Variants in KAT2B observed in about 807,000 individuals in gnomAD.
The protein encoded by KAT2B is lysine acetyltransferase 2B.
In KAT2B, 36 loss-of-function variants were observed where a neutral mutation model predicts 105.9. That is an observed-to-expected ratio of 0.34 (90% CI 0.26 to 0.45). The LOEUF (loss-of-function observed/expected upper bound fraction) is 0.45, where lower values mean the gene tolerates loss of function less well. Among genes scored for constraint, KAT2B ranks in the 20% least tolerant of loss-of-function variants. KAT2B has a pLI of 1.00. For synonymous variants in KAT2B, 397 were observed against 377.9 expected (o/e 1.05, Z -0.59); for missense variants, 820 against 1,021.6 (o/e 0.80, Z 2.69).
intron 1 of KAT2B, among the ~76,000 whole-genome samples, chr3:20,067,323 T>TA (rs1308892142): frequency 6.6e-6 from 1 of 152,078 alleles, no homozygotes; most frequent in Non-Finnish European, 1.5e-5. Flanking sequence ...ATTCAAGATG[T>TA]AACTTTTTTT....
At chr3:20,126,436 A>G (rs989103250) in intron 10 of KAT2B, among the ~76,000 whole-genome samples, 1 of 152,084 alleles carries the variant, frequency 6.6e-6, no homozygotes, top group Non-Finnish European at 1.5e-5. Flanking sequence ...TGGTTTTGGT[A>G]TCTTAACTAG....
chr3:20,051,701 TTACTC>T (rs1404679386), intron 1 of KAT2B, among the ~76,000 whole-genome samples: 9 of 152,208 alleles, frequency 5.9e-5, no homozygotes, highest in Non-Finnish European at 2.9e-5. Flanking sequence ...GAAGCAAAGA[TTACTC>T]TACAGCTCCA....
At chr3:20,075,877 A>C (rs1319568482) in intron 2 of KAT2B, among the ~76,000 whole-genome samples, 2 of 150,262 alleles carry the variant, frequency 1.3e-5, no homozygotes, top group Non-Finnish European at 2.9e-5. Context: ...TCACCACTGC[A>C]GCCTGGGCGA....
At chr3:20,075,127 G>A (rs979020885) in intron 2 of KAT2B, among the ~76,000 whole-genome samples, 1 of 152,048 alleles carries the variant, frequency 6.6e-6, no homozygotes, top group African/African-American at 2.4e-5. Flanking sequence ...AGCTGGGCAT[G>A]GTGGCAAGCA....
intron 6 of KAT2B, among the ~76,000 whole-genome samples, chr3:20,112,325 A>G (rs140365734): frequency 6.6e-6 from 1 of 152,178 alleles, no homozygotes; most frequent in Non-Finnish European, 1.5e-5. Context: ...ATGAACCTCT[A>G]TACTAAATTT....
intron 1 of KAT2B, among the ~76,000 whole-genome samples, chr3:20,068,638 A>G (rs1003715849): frequency 1.3e-5 from 2 of 151,974 alleles, no homozygotes; most frequent in Non-Finnish European, 2.9e-5. Context: ...CCCTAATGTA[A>G]TCTCCAGGAG....
rs114768196 is a variant in KAT2B at position 20,051,246 on chromosome 3, A to G, written c.303+10466A>G. Among the ~76,000 whole-genome samples, 1,298 of 150,964 alleles carry G rather than the reference A, an allele frequency of 8.6e-3. 25 individuals carry two copies. The highest frequency in any genetic ancestry group is 0.03 in the African/African-American group (1,239 of 41,236). ...CAAAAAAAACAAATCAAGGAGGGGT[A>G]CTTGGCCAAGTAGATGTAGATAAGG... On this transcript the variant is annotated intron_variant, in intron 1 of 17. Transcript: ENST00000263754.
chr3:20,046,374 G>A (rs775170028), intron 1 of KAT2B, among the ~76,000 whole-genome samples: 5 of 152,160 alleles, frequency 3.3e-5, no homozygotes, highest in African/African-American at 4.8e-5. Flanking sequence ...TTGAGCTCAC[G>A]AGTTCGAGAC....
intron 5 of KAT2B, among the ~76,000 whole-genome samples, chr3:20,108,262 ATAAAAT>A (rs1008221068): frequency 3.2e-5 from 4 of 123,488 alleles, no homozygotes; most frequent in Admixed American, 8.1e-5. Flanking sequence ...AATTGATTAA[ATAAAAT>A]TAAAAGTTAA....
intron 2 of KAT2B, among the ~76,000 whole-genome samples, chr3:20,091,119 C>T (rs975284203): frequency 3.3e-5 from 5 of 152,126 alleles, no homozygotes; most frequent in African/African-American, 1.2e-4. Flanking sequence ...GCCTTGAAGC[C>T]ATCAGGTCCT....
chr3:20,111,243 C>T (rs1272795560), intron 5 of KAT2B, among the ~76,000 whole-genome samples: 1 of 152,100 alleles, frequency 6.6e-6, no homozygotes, highest in Non-Finnish European at 1.5e-5. Flanking sequence ...TTATTGTTGT[C>T]CCCATTTTAC....
chr3:20,061,584 C>T (rs543762676), intron 1 of KAT2B, among the ~76,000 whole-genome samples: 3 of 151,956 alleles, frequency 2.0e-5, no homozygotes, highest in South Asian at 4.1e-4. Flanking sequence ...TACCATTTTA[C>T]GTCTTCAGCA....
intron 13 of KAT2B, among the ~76,000 whole-genome samples, chr3:20,144,246 G>A (rs1374051035): frequency 2.7e-5 from 4 of 148,908 alleles, no homozygotes; most frequent in African/African-American, 9.9e-5. Flanking sequence ...TTCTCTGAAG[G>A]TGTCGATTTA....
At chr3:20,113,867 G>C (rs1432601848) in intron 6 of KAT2B, among the ~76,000 whole-genome samples, 2 of 152,000 alleles carry the variant, frequency 1.3e-5, no homozygotes, top group Admixed American at 1.3e-4. Context: ...TATTTACAAA[G>C]TGTTTTTGTT....
At chr3:20,101,103 C>T (rs771530564) in intron 4 of KAT2B, 184 bp from the exon 5 acceptor site, 14 of 574,224 alleles carry the variant, frequency 2.4e-5, no homozygotes, top group Non-Finnish European at 3.1e-5. Flanking sequence ...TTTCATCCAC[C>T]GTGATCTGAG....
At chr3:20,149,242 A>C (rs1699826918) in intron 17 of KAT2B, among the ~76,000 whole-genome samples, 1 of 152,138 alleles carries the variant, frequency 6.6e-6, no homozygotes, top group African/African-American at 2.4e-5. Context: ...AGAGAGCCAG[A>C]GTCTTCTGTC....
chr3:20,068,276 G>A (rs868238955), intron 1 of KAT2B, among the ~76,000 whole-genome samples: 1 of 151,796 alleles, frequency 6.6e-6, no homozygotes, highest in African/African-American at 2.4e-5. Context: ...AATTATAGGT[G>A]TGAGCCACTG....
intron 11 of KAT2B, among the ~76,000 whole-genome samples, chr3:20,130,648 C>T (rs1699492702): frequency 6.6e-6 from 1 of 152,122 alleles, no homozygotes; most frequent in South Asian, 2.1e-4. Context: ...GAATTGGATA[C>T]TTTGTCTTAT....
chr3:20,063,622 A>C (rs1488241592), intron 1 of KAT2B, among the ~76,000 whole-genome samples: 1 of 140,896 alleles, frequency 7.1e-6, no homozygotes, highest in African/African-American at 2.6e-5. Flanking sequence ...AGCTCACTGC[A>C]ACCTCTGCCT....
Sources: gnomAD v4.1 joint callset for allele counts (sites outside exome capture counted in the v4.1 genomes callset) on GRCh38, gnomAD v4.1.1 for gene constraint, MANE v1.5 for transcripts, NCBI Gene and HGNC (gene_info 2026-07-23, HGNC 2026-07-21) for gene names.